Variants in TRIM71 observed in about 807,000 individuals in gnomAD.
TRIM71 encodes the protein E3 ubiquitin-protein ligase TRIM71.
Under a neutral mutation model 61.2 loss-of-function variants are expected in TRIM71, and 9 were observed. That is an observed-to-expected ratio of 0.15 (90% CI 0.09 to 0.26). TRIM71 has a LOEUF of 0.26. Among genes scored for constraint, TRIM71 ranks in the 10% least tolerant of loss-of-function variants. TRIM71 has a pLI of 1.00. For synonymous variants in TRIM71, 645 were observed against 553.2 expected, an observed-to-expected ratio of 1.17 and a Z score of -2.33; for missense variants, 998 against 1,238.7, an observed-to-expected ratio of 0.81 and a Z score of 2.92.
At chr3:32,847,522 G>A (rs1170042318) in intron 1 of TRIM71, among the ~76,000 whole-genome samples, 1 of 152,128 alleles carries the variant, frequency 6.6e-6, no homozygotes, top group Non-Finnish European at 1.5e-5. Context: ...AACTTTCTGA[G>A]GAACCTCTGT....
Position 32,897,248 on chromosome 3 carries a change from T to C in TRIM71, c.*5437T>C, listed in dbSNP as rs62253766. 8.8e-3 allele frequency: 1,333 copies of C among 152,186 alleles called. 8 individuals carry two copies. The highest frequency in any genetic ancestry group is 0.015 in the Admixed American group (222 of 15,280). 9.4% of individuals were successfully genotyped at this position (152,186 alleles called of 1,614,324 possible). ...GAATTAATGTGGGCAAGTTGCCTTA[T>C]GTTAGAATGACTAAGTTAAACCTCT... On this transcript the variant is annotated 3_prime_UTR_variant, in exon 4 of 4. Transcript: ENST00000383763.
At chr3:32,822,159 G>A (rs1410123386) in intron 1 of TRIM71, among the ~76,000 whole-genome samples, 1 of 152,160 alleles carries the variant, frequency 6.6e-6, no homozygotes, top group Non-Finnish European at 1.5e-5. Flanking sequence ...GTTGAGCAGG[G>A]TTTGAACCCA....
chr3:32,846,779 ATGTGG>A (rs1696480768), intron 1 of TRIM71, among the ~76,000 whole-genome samples: 1 of 151,972 alleles, frequency 6.6e-6, no homozygotes, highest in Non-Finnish European at 1.5e-5. Context: ...AAGTGACATC[ATGTGG>A]TGTCTGTCTT....
intron 1 of TRIM71, among the ~76,000 whole-genome samples, chr3:32,839,664 G>C (rs1181543851): frequency 7.3e-6 from 1 of 136,546 alleles, no homozygotes; most frequent in Non-Finnish European, 1.6e-5. Context: ...CTTTTTTTGG[G>C]GGGGGGGTGG....
chr3:32,869,486 C>G (rs184464119), intron 1 of TRIM71, among the ~76,000 whole-genome samples: 1 of 152,158 alleles, frequency 6.6e-6, no homozygotes, highest in African/African-American at 2.4e-5. Context: ...TGTGTGTGTT[C>G]CTTGTTGGGC....
intron 1 of TRIM71, among the ~76,000 whole-genome samples, chr3:32,829,461 G>A (rs758411146): frequency 3.3e-5 from 5 of 152,286 alleles, no homozygotes; most frequent in South Asian, 2.1e-4. Flanking sequence ...ACAGGCGTGA[G>A]CCACGATGCC....
rs189435699 is a variant in TRIM71, at chr3:32,846,573, G to C, written c.853-27245G>C. Among the ~76,000 whole-genome samples, 689 of 152,234 alleles carry C rather than the reference G, an allele frequency of 4.5e-3. 5 individuals carry two copies. Among genetic ancestry groups the C allele is most frequent in the African/African-American group, 0.016 (659 of 41,508 alleles). On this transcript the variant is annotated intron_variant, in intron 1 of 3. Coordinates refer to ENST00000383763, the MANE Select transcript of TRIM71 (RefSeq NM_001039111.3). Reference sequence around the variant, plus strand: ...TTAACAACTGTGGTCACCATGCTGTGCATTAGCTCTTGAAAACTTAAGTCT... The same window carrying C: ...TTAACAACTGTGGTCACCATGCTGTCCATTAGCTCTTGAAAACTTAAGTCT...
rs1697043350 is a variant in TRIM71 at position 32,893,064 on chromosome 3, T to C, written c.*1253T>C. ...TTCCTGCTTTGAAAGTTCAGGGAAA[T>C]AGAAGGTTTGAAAGTCAAATTAATA... On this transcript the variant is annotated 3_prime_UTR_variant, in exon 4 of 4. Coordinates refer to ENST00000383763, the MANE Select transcript of TRIM71 (RefSeq NM_001039111.3). The C allele has an allele frequency of 6.6e-6, 1 of 152,086 alleles. No individual in the cohort carries two copies. Among genetic ancestry groups the C allele is most frequent in the Admixed American group, 6.6e-5 (1 of 15,262 alleles). 9.4% of individuals were successfully genotyped at this position (152,086 alleles called of 1,614,324 possible).
At chr3:32,836,891 A>G (rs1056979843) in intron 1 of TRIM71, among the ~76,000 whole-genome samples, 7 of 152,208 alleles carry the variant, frequency 4.6e-5, no homozygotes, top group Admixed American at 6.5e-5. Flanking sequence ...TTCACAGCAG[A>G]CAAGTGATGA....
At chr3:32,858,617 AAG>A (rs1426279320) in intron 1 of TRIM71, among the ~76,000 whole-genome samples, 3 of 152,126 alleles carry the variant, frequency 2.0e-5, no homozygotes, top group Non-Finnish European at 2.9e-5. Context: ...CTTCTTGGGG[AAG>A]AGTTTTAGAT....
chr3:32,819,505 C>T (rs1003237691), intron 1 of TRIM71, among the ~76,000 whole-genome samples: 3 of 152,196 alleles, frequency 2.0e-5, no homozygotes, highest in African/African-American at 7.2e-5. Flanking sequence ...GACAGCATGG[C>T]AGTCCTTGCC....
At chr3:32,847,463 G>A (rs919028666) in intron 1 of TRIM71, among the ~76,000 whole-genome samples, 7 of 152,130 alleles carry the variant, frequency 4.6e-5, no homozygotes, top group East Asian at 1.9e-4. Context: ...CCAAAGTGCC[G>A]GGATTACAGG....
intron 1 of TRIM71, among the ~76,000 whole-genome samples, chr3:32,839,603 C>G (rs1696379733): frequency 8.0e-6 from 1 of 125,018 alleles, no homozygotes; most frequent in Non-Finnish European, 1.5e-5. Flanking sequence ...GCTGTTTCCT[C>G]TGTGCATAAT....
chr3:32,854,216 A>C (rs1696571961), intron 1 of TRIM71, among the ~76,000 whole-genome samples: 1 of 152,010 alleles, frequency 6.6e-6, no homozygotes, highest in Admixed American at 6.6e-5. Flanking sequence ...GTGGTCTCAA[A>C]CTCCTTGACT....
chr3:32,882,382 T>C (rs1394435636), intron 2 of TRIM71, among the ~76,000 whole-genome samples: 1 of 152,126 alleles, frequency 6.6e-6, no homozygotes, highest in Non-Finnish European at 1.5e-5. Context: ...AACCAACACA[T>C]CTAAAAATAT....
chr3:32,832,059 G>A lies in TRIM71; in HGVS notation c.852+13127G>A, dbSNP rs367693365. Among the ~76,000 whole-genome samples the A allele has an allele frequency of 4.0e-5, 6 of 149,450 alleles. No homozygotes were observed. In the East Asian group the frequency reaches 7.7e-4, roughly 19 times the overall value. On this transcript the variant is annotated intron_variant, in intron 1 of 3. Transcript: ENST00000383763. ...CTTGCTTTAGTCTTGTGGTTTGACT[G>A]TTTGGGAATATAAAACTGAAAAGGA...
chr3:32,840,944 C>T (rs1017882081), intron 1 of TRIM71, among the ~76,000 whole-genome samples: 1 of 152,140 alleles, frequency 6.6e-6, no homozygotes, highest in African/African-American at 2.4e-5. Flanking sequence ...GATTCTATCC[C>T]TTCCTCATTT....
intron 1 of TRIM71, among the ~76,000 whole-genome samples, chr3:32,834,522 C>T (rs944990896): frequency 2.0e-5 from 3 of 152,072 alleles, no homozygotes; most frequent in Admixed American, 6.6e-5. Context: ...CTTCCTAGAT[C>T]GGGGGAGTTT....
rs757165478 is a variant in TRIM71 at position 32,873,703 on chromosome 3, G to A, written c.853-115G>A. On this transcript the variant is annotated intron_variant, in intron 1 of 3. Coordinates refer to ENST00000383763, the MANE Select transcript of TRIM71 (RefSeq NM_001039111.3). Reference sequence around the variant, plus strand: ...CTGCCTCTCCCTTTGGGGTGTGCTTGCTCATTGGGGAAGCTGGTCGTTCGG... The same window carrying A: ...CTGCCTCTCCCTTTGGGGTGTGCTTACTCATTGGGGAAGCTGGTCGTTCGG... The A allele has an allele frequency of 7.2e-6, 7 of 978,838 alleles. No homozygotes were observed. In the African/African-American group the frequency reaches 9.7e-5, roughly 14 times the overall value. 60.6% of individuals were successfully genotyped at this position (978,838 alleles called of 1,614,324 possible).
Sources: allele counts gnomAD v4.1 joint callset (sites outside exome capture counted in the v4.1 genomes callset), GRCh38; gene constraint gnomAD v4.1.1; transcripts MANE v1.5; gene names NCBI Gene and HGNC (gene_info 2026-07-23, HGNC 2026-07-21).